MYO7A: variants seen among roughly 807,000 people sequenced by gnomAD.
MYO7A encodes the protein unconventional myosin-VIIa.
A neutral mutation model predicts 263.8 loss-of-function variants in MYO7A; 210 were observed. The ratio of observed to expected loss-of-function variants is 0.80; its 90% CI spans 0.71 to 0.89. The LOEUF (loss-of-function observed/expected upper bound fraction) is 0.89. MYO7A is among the 40% of genes least tolerant of loss of function. The pLI, the probability that MYO7A is intolerant of heterozygous loss-of-function variation, is 0.00. For missense variants in MYO7A, 2,820 were observed against 2,968.3 expected (o/e 0.95, Z 1.16); for synonymous variants, 1,239 against 1,197.3 (o/e 1.03, Z -0.72).
chr11:77,160,131 C>A, intron 10 of MYO7A, 32 bp from the exon 11 acceptor site: 1 of 1,542,088 alleles, frequency 6.5e-7, no homozygotes, highest in Non-Finnish European at 8.8e-7. Flanking sequence ...GGCAGGCTGG[C>A]AGGTGAGCAC....
chr11:77,207,178 G>A, intron 41 of MYO7A, 111 bp from the exon 42 acceptor site: 1 of 673,572 alleles, frequency 1.5e-6, no homozygotes, highest in Non-Finnish European at 2.5e-6. Context: ...CCCACAGGAG[G>A]GTGTCTGGCA....
chr11:77,189,806 G>T (rs994778367), intron 28 of MYO7A, among the ~76,000 whole-genome samples: 5 of 152,214 alleles, frequency 3.3e-5, no homozygotes, highest in African/African-American at 1.2e-4. Flanking sequence ...GCTGTGAAGG[G>T]GTATGGGGAG....
At chr11:77,184,536 G>T (rs1955515957) in intron 26 of MYO7A, 52 bp from the exon 27 acceptor site, 2 of 1,501,772 alleles carry the variant, frequency 1.3e-6, no homozygotes, top group Non-Finnish European at 1.8e-6. Flanking sequence ...TGCCCTGGCT[G>T]GCAGGGGAAC....
chr11:77,133,887 T>C (rs1950838613), intron 2 of MYO7A, among the ~76,000 whole-genome samples: 1 of 152,246 alleles, frequency 6.6e-6, no homozygotes, highest in African/African-American at 2.4e-5. Flanking sequence ...CTCTTCTGTG[T>C]ATTTTAAAAG....
intron 2 of MYO7A, among the ~76,000 whole-genome samples, chr11:77,135,900 T>C (rs534561963): frequency 9.8e-5 from 15 of 152,330 alleles, no homozygotes; most frequent in Non-Finnish European, 1.9e-4. Flanking sequence ...GAAATGTCTA[T>C]TTCAGTCCTA....
Position 77,190,076 on chromosome 11 carries a change from G to T in MYO7A, c.3687G>T (p.Glu1229Asp). ...CCGGCTACGCCCCGTACTGTGAGGA[G>T]CGCCTGAGAAGGACCTTTGTCAATG... Reference protein sequence around the residue: ...GPPGYAPYCEERLRRTFVNGT... With the variant: ...GPPGYAPYCEDRLRRTFVNGT... Residue 1229 changes from glutamate (E) to aspartate (D), a missense_variant, in exon 29 of 49, where the codon GAG (glutamate) becomes GAT (aspartate). Coordinates refer to ENST00000409709, the MANE Select transcript of MYO7A (RefSeq NM_000260.4). 6.3e-7 allele frequency: 1 copy of T among 1,578,728 alleles called. No homozygotes were observed. Among genetic ancestry groups the T allele is most frequent in the Non-Finnish European group, 8.6e-7 (1 of 1,162,960 alleles).
At chr11:77,150,216 CG>C in intron 4 of MYO7A, among the ~76,000 whole-genome samples, 1 of 152,328 alleles carries the variant, frequency 6.6e-6, no homozygotes, top group East Asian at 1.9e-4. Flanking sequence ...GTTTTCCCGC[CG>C]GGCCCCCTGC....
chr11:77,181,983 G>A lies in MYO7A; in HGVS notation c.2937G>A (p.Glu979=), dbSNP rs1555084819. The change falls in exon 24 of 49, where the codon GAG becomes GAA. Residue 979 remains glutamate, a synonymous_variant. Transcript: ENST00000409709. ...DLERGRREMV[E]EDLDAALPLP... ...AGCGAGGGCGGAGGGAGATGGTGGA[G>A]GAGGACCTGGATGCAGCCCTGCCCC... The A allele has an allele frequency of 2.5e-6, 4 of 1,613,316 alleles. No homozygotes were observed. Among genetic ancestry groups the A allele is most frequent in the Non-Finnish European group, 8.5e-7 (1 of 1,179,794 alleles).
intron 2 of MYO7A, among the ~76,000 whole-genome samples, chr11:77,140,784 AGT>A (rs1951164170): frequency 6.6e-6 from 1 of 151,988 alleles, no homozygotes; most frequent in Non-Finnish European, 1.5e-5. Flanking sequence ...GTGAATGCTC[AGT>A]AAACAGTTCT....
chr11:77,161,877 A>C (rs1953030369), intron 12 of MYO7A, among the ~76,000 whole-genome samples: 1 of 151,996 alleles, frequency 6.6e-6, no homozygotes, highest in African/African-American at 2.4e-5. Flanking sequence ...AGTCCTGAAA[A>C]GCCTTAGCTC....
rs1555111106 is a variant in MYO7A at position 77,213,896 on chromosome 11, A to G, written c.6475A>G (p.Asn2159Asp). ...LTTHPFTKIS[N>D]WSSGNTYFHI... ...CACTCATCCCTTCACCAAGATCTCC[A>G]ACTGGAGCAGCGGCAACACCTACTT... The change falls in exon 48 of 49, where the codon AAC (asparagine) becomes GAC (aspartate). Residue 2159 changes from asparagine to aspartate, a missense_variant. Transcript: ENST00000409709. The G allele has an allele frequency of 6.2e-7, 1 of 1,614,016 alleles. No homozygotes were observed. The highest frequency in any genetic ancestry group is 1.1e-5 in the South Asian group (1 of 91,080).
chr11:77,159,407 A>T (rs782640244), intron 9 of MYO7A, 40 bp from the exon 10 acceptor site: 6 of 426,928 alleles, frequency 1.4e-5, no homozygotes, highest in South Asian at 1.9e-5. Context: ...CCTGTTGCCC[A>T]CCCTCCCTCC....
intron 25 of MYO7A, 80 bp from the exon 26 acceptor site, chr11:77,182,988 C>G (rs1236725288): frequency 9.9e-6 from 12 of 1,216,230 alleles, no homozygotes; most frequent in Non-Finnish European, 8.3e-6. Context: ...CGAGACGGTT[C>G]CCCGCAAAGT....
chr11:77,135,627 A>AT (rs1555047160), intron 2 of MYO7A, among the ~76,000 whole-genome samples: 1 of 152,074 alleles, frequency 6.6e-6, no homozygotes, highest in Admixed American at 6.5e-5. Context: ...TCTCATTTTA[A>AT]TTTTTTTAGG....
Position 77,184,675 on chromosome 11 carries a change from C to T in MYO7A, c.3463C>T (p.His1155Tyr). ...DRPTSNLEKL[H>Y]FIIGNGILRP... is the part of the protein sequence containing the mutation. ...GCCCACCTCCAACCTGGAGAAGCTG[C>T]ACTTCATCATCGGCAATGGCATCCT... The change falls in exon 27 of 49, where the codon CAC (histidine) becomes TAC (tyrosine). Residue 1155 changes from histidine to tyrosine, a missense_variant. His to Tyr is a moderately conservative substitution (Grantham distance 83). Transcript: ENST00000409709. 6.3e-7 allele frequency: 1 copy of T among 1,598,310 alleles called. No homozygotes were observed. Among genetic ancestry groups the T allele is most frequent in the Non-Finnish European group, 8.5e-7 (1 of 1,172,164 alleles).
Position 77,205,524 on chromosome 11 carries a change from A to G in MYO7A, c.5543A>G (p.Asn1848Ser), listed in dbSNP as rs764485686. 1.2e-6 allele frequency: 2 copies of G among 1,606,352 alleles called. No homozygotes were observed. The highest frequency in any genetic ancestry group is 2.2e-5 in the South Asian group (2 of 89,054). Residue 1848 changes from asparagine to serine, a missense_variant, in exon 40 of 49, where the codon AAC (asparagine) becomes AGC (serine). Coordinates refer to ENST00000409709, the MANE Select transcript of MYO7A (RefSeq NM_000260.4). ...WLCTGLFPPS[N>S]ILLPHVQRFL... ...TGCACGGGCCTTTTCCCACCCAGCA[A>G]CATCCTCCTGCCCCACGTGCAGCGC...
At chr11:77,211,474 C>T (rs1957870147) in intron 45 of MYO7A, 137 bp downstream of exon 45, 3 of 1,000,222 alleles carry the variant, frequency 3.0e-6, no homozygotes, top group Non-Finnish European at 4.3e-6. Flanking sequence ...AGGCCGCCCA[C>T]CCTTGTTCCT....
intron 11 of MYO7A, among the ~76,000 whole-genome samples, 184 bp from the exon 12 acceptor site, chr11:77,160,789 G>A (rs954389204): frequency 2.6e-5 from 4 of 152,090 alleles, no homozygotes; most frequent in Non-Finnish European, 4.4e-5. Context: ...AAAATGTGTA[G>A]GAACTGTTCA....
chr11:77,190,022 C>T lies in MYO7A; in HGVS notation c.3633C>T (p.Tyr1211=), dbSNP rs762101560. The change falls in exon 29 of 49, where the codon TAC becomes TAT. Residue 1211 remains tyrosine, a splice_region_variant and synonymous_variant. Coordinates refer to ENST00000409709, the MANE Select transcript of MYO7A (RefSeq NM_000260.4). ...CTCAGCGGGTACTCTGGCTGCAGTA[C>T]CTGCGGAACTTCATCCACGGGGGCC... ...CFAPSEKFVK[Y]LRNFIHGGPP... 5.2e-6 allele frequency: 8 copies of T among 1,545,512 alleles called. No individual in the cohort carries two copies. The highest frequency in any genetic ancestry group is 4.8e-5 in the South Asian group (4 of 83,320).
Sources: allele counts gnomAD v4.1 joint callset (sites outside exome capture counted in the v4.1 genomes callset), GRCh38; gene constraint gnomAD v4.1.1; transcripts MANE v1.5; gene names NCBI Gene and HGNC (gene_info 2026-07-23, HGNC 2026-07-21).